The following HNRNPLL variants were observed in gnomAD, a reference collection of about 807,000 sequenced individuals.
HNRNPLL encodes the protein heterogeneous nuclear ribonucleoprotein L-like.
In HNRNPLL, 25 loss-of-function variants were observed where a neutral mutation model predicts 67.1. The ratio of observed to expected loss-of-function variants is 0.37; its 90% confidence interval spans 0.27 to 0.52. HNRNPLL has a LOEUF of 0.52. Ranked by LOEUF, HNRNPLL falls within the 20% of genes least tolerant of loss-of-function variation. The pLI is 0.90. For missense variants in HNRNPLL, 542 were observed against 673.9 expected (o/e 0.80, Z 2.17); for synonymous variants, 267 against 241.7 (o/e 1.10, Z -0.97).
Position 38,585,864 on chromosome 2 carries a change from G to A in HNRNPLL, c.326C>T (p.Pro109Leu). The change falls in exon 3 of 13, where the codon CCA becomes CTA. Residue 109 changes from proline (P) to leucine (L), a missense_variant. This residue lies in a region of HNRNPLL where 415 missense variants were observed against 575.2 expected (regional missense o/e 0.72). Transcript: ENST00000449105. The stretch of plus-strand genomic sequence containing the variant: ...TTCCACTAGAGCCTGTCGTTTAAAT[G>A]GCATCATCATCACATAGCTGAAAAG... ...FGTICYVMMM[P>L]FKRQALVEFE... is the part of the protein sequence containing the mutation. 6.2e-7 allele frequency: 1 copy of A among 1,605,836 alleles called. No homozygotes were observed. Among genetic ancestry groups the A allele is most frequent in the Admixed American group, 1.7e-5 (1 of 60,004 alleles).
chr2:38,598,086 T>C (rs1667281505), intron 1 of HNRNPLL, among the ~76,000 whole-genome samples: 1 of 150,646 alleles, frequency 6.6e-6, no homozygotes, highest in South Asian at 2.1e-4. Context: ...CCGTTCTGTT[T>C]AAAAATAAAA....
chr2:38,574,232 T>C (rs1458681074), intron 7 of HNRNPLL, among the ~76,000 whole-genome samples: 3 of 151,876 alleles, frequency 2.0e-5, no homozygotes, highest in African/African-American at 7.2e-5. Context: ...AGCTAGAGTG[T>C]AGAATGAAAA....
At chr2:38,595,272 T>TAAA (rs70954734) in intron 1 of HNRNPLL, among the ~76,000 whole-genome samples, 11 of 68,760 alleles carry the variant, frequency 1.6e-4, no homozygotes, top group East Asian at 4.1e-4. Flanking sequence ...AGACCTTGTC[T>TAAA]AAAAAAAAAA....
chr2:38,585,927 G>A (rs370952035), intron 2 of HNRNPLL, 46 bp from the exon 3 acceptor site: 15 of 1,132,158 alleles, frequency 1.3e-5, no homozygotes, highest in African/African-American at 9.1e-5. Context: ...AGCAAGTTCC[G>A]TTAACATTAT....
chr2:38,593,238 T>C (rs1667031186), intron 1 of HNRNPLL, among the ~76,000 whole-genome samples: 1 of 152,234 alleles, frequency 6.6e-6, no homozygotes, highest in Admixed American at 6.5e-5. Flanking sequence ...CAACACTTTC[T>C]TAAGCAACAT....
At chr2:38,581,782 T>A in intron 6 of HNRNPLL, 131 bp downstream of exon 6, 1 of 680,220 alleles carries the variant, frequency 1.5e-6, no homozygotes, top group Non-Finnish European at 2.6e-6. Flanking sequence ...TACATGGCCT[T>A]TTGCAACAAA....
intron 2 of HNRNPLL, among the ~76,000 whole-genome samples, chr2:38,587,758 A>G (rs2148369303): frequency 6.6e-6 from 1 of 152,316 alleles, no homozygotes; most frequent in African/African-American, 2.4e-5. Context: ...AAAGGTACTG[A>G]TATGGTGTGG....
At chr2:38,564,687 G>C (rs1665787785) in intron 12 of HNRNPLL, among the ~76,000 whole-genome samples, 1 of 151,418 alleles carries the variant, frequency 6.6e-6, no homozygotes, top group Non-Finnish European at 1.5e-5. Context: ...ATATTTACTG[G>C]AAGGTAAGCT....
intron 12 of HNRNPLL, 69 bp from the exon 13 acceptor site, chr2:38,564,306 G>C (rs1665766064): frequency 1.2e-6 from 1 of 816,428 alleles, no homozygotes; most frequent in South Asian, 1.5e-5. Context: ...AAGTATCAGA[G>C]TAAATTACTT....
In HNRNPLL at chr2:38,602,859, A is replaced by T. The variant is rs1667511386; in HGVS notation, c.-233T>A. 6.5e-7 allele frequency: 1 copy of T among 1,549,098 alleles called. No individual in the cohort carries two copies. Among genetic ancestry groups the T allele is most frequent in the Admixed American group, 2.0e-5 (1 of 50,924 alleles). ...GAGCGGCCGCTCCTCTCAATTACCG[A>T]GCCAACATTCAGCCTCTCCCTCCTC... On this transcript the variant is annotated 5_prime_UTR_variant, in exon 1 of 13. Coordinates refer to ENST00000449105, the MANE Select transcript of HNRNPLL (RefSeq NM_138394.4).
rs779662915 is a variant in HNRNPLL at position 38,569,123 on chromosome 2, C to T, written c.1416+10G>A. The T allele has an allele frequency of 5.8e-6, 9 of 1,558,488 alleles. No homozygotes were observed. The highest frequency in any genetic ancestry group is 3.3e-5 in the Admixed American group (2 of 59,894). On this transcript the variant is annotated intron_variant, in intron 10 of 12. Transcript: ENST00000449105. ...CAACATTCTATACACATTTGTATTT[C>T]AGTGCCTACCTTTGTGAAGGTCTCT...
rs561809087 is a variant in HNRNPLL, at chr2:38,571,098, TAGAG to T, written c.1093-1177_1093-1174del. ...CAGTACTGAAAGATAATTAGATAGA[TAGAG>T]AGACAGAGACAGACAGAGATTAAAC... is the stretch of plus-strand genomic sequence containing the variant. On this transcript the variant is annotated intron_variant, in intron 8 of 12. Transcript: ENST00000449105. 2.8e-4 allele frequency among the ~76,000 whole-genome samples: 43 copies of T among 152,076 alleles called. No individual in the cohort carries two copies. In the East Asian group the frequency reaches 7.1e-3, roughly 25 times the overall value.
intron 1 of HNRNPLL, among the ~76,000 whole-genome samples, 198 bp from the exon 2 acceptor site, chr2:38,591,846 C>T (rs574162684): frequency 2.0e-5 from 3 of 151,990 alleles, no homozygotes; most frequent in South Asian, 2.1e-4. Context: ...CATGGTGGCA[C>T]GTGTCTGTAA....
chr2:38,591,470 A>G (rs1287787974), intron 2 of HNRNPLL, 60 bp downstream of exon 2: 2 of 899,052 alleles, frequency 2.2e-6, no homozygotes, highest in Admixed American at 3.4e-5. Flanking sequence ...GCTTGTAACA[A>G]GCAAGCAAGG....
Position 38,577,466 on chromosome 2 carries a change from C to G in HNRNPLL, c.869G>C (p.Gly290Ala). 1 of 1,595,016 alleles carries G rather than the reference C, an allele frequency of 6.3e-7. No homozygotes were observed. The highest frequency in any genetic ancestry group is 1.1e-5 in the South Asian group (1 of 90,720). ...GEHPSSFRHD[G>A]YGSHGPLLPL... ...TTTCTACCTTGACAACTTACCATAG[C>G]CATCATGTCTAAACGAAGAAGGGTG... is the stretch of plus-strand genomic sequence containing the variant. The change falls in exon 7 of 13, where the codon GGC (glycine) becomes GCC (alanine). Residue 290 changes from glycine (G) to alanine (A), a missense_variant. Physicochemically the swap from Gly to Ala is moderately conservative, Grantham distance 60. This residue lies in a region of HNRNPLL where 415 missense variants were observed against 575.2 expected (regional missense o/e 0.72). Transcript: ENST00000449105.
intron 4 of HNRNPLL, among the ~76,000 whole-genome samples, chr2:38,583,316 A>G (rs1000528602): frequency 1.3e-5 from 2 of 152,218 alleles, no homozygotes; most frequent in Non-Finnish European, 2.9e-5. Context: ...ATGCATACAC[A>G]TGCACACGTA....
At position 38,573,383 on chromosome 2, in the gene HNRNPLL, C is replaced by T; in HGVS notation, c.919G>A (p.Gly307Ser). The T allele has an allele frequency of 6.2e-7, 1 of 1,611,780 alleles. No homozygotes were observed. The highest frequency in any genetic ancestry group is 8.5e-7 in the Non-Finnish European group (1 of 1,178,880). Residue 307 changes from glycine to serine, a missense_variant, in exon 8 of 13, where the codon GGC (glycine) becomes AGC (serine). Physicochemically the swap from Gly to Ser is moderately conservative, Grantham distance 56 (BLOSUM62 0). Around this residue, in one of 2 missense-constraint regions of HNRNPLL, gnomAD observed 415 missense variants for 575.2 expected, o/e 0.72. Transcript: ENST00000449105. ...ACAAGTTCAGGTGTATCTCGAGAGC[C>T]CATTCTGTAACGACTTGGTAAAGGC... Reference protein sequence around the residue: ...LLPLPSRYRMGSRDTPELVAY... With the variant: ...LLPLPSRYRMSSRDTPELVAY...
intron 1 of HNRNPLL, among the ~76,000 whole-genome samples, chr2:38,601,087 C>T (rs1667412565): frequency 6.6e-6 from 1 of 152,154 alleles, no homozygotes; most frequent in Admixed American, 6.5e-5. Context: ...ACAGAGTTGG[C>T]TTTGAACTGA....
At chr2:38,596,708 C>CT (rs992260286) in intron 1 of HNRNPLL, among the ~76,000 whole-genome samples, 2 of 152,072 alleles carry the variant, frequency 1.3e-5, no homozygotes, top group Admixed American at 6.6e-5. Context: ...TTAAGGAGTC[C>CT]TTTTTTTAAT....
Sources: allele counts gnomAD v4.1 joint callset (sites outside exome capture counted in the v4.1 genomes callset), GRCh38; gene constraint gnomAD v4.1.1; regional missense constraint gnomAD v4.1.1; transcripts MANE v1.5; gene names NCBI Gene and HGNC (gene_info 2026-07-23, HGNC 2026-07-21).